TBC1D14: variants seen among roughly 807,000 people sequenced by gnomAD.
TBC1D14 encodes TBC1 domain family, member 14.
TBC1D14 carries 26 observed loss-of-function variants against 79.0 expected under a neutral mutation model. The observed-to-expected ratio is 0.33, with a 90% CI of 0.24 to 0.46. The LOEUF is 0.46. Among genes scored for constraint, TBC1D14 ranks in the 20% least tolerant of loss-of-function variants. The pLI, the probability that TBC1D14 is intolerant of heterozygous loss-of-function variation, is 1.00. For missense variants in TBC1D14, 769 were observed against 887.6 expected (o/e 0.87, Z 1.70); for synonymous variants, 394 against 349.9 (o/e 1.13, Z -1.40).
At chr4:7,023,192 G>T (rs980845616) in intron 12 of TBC1D14, among the ~76,000 whole-genome samples, 2 of 152,208 alleles carry the variant, frequency 1.3e-5, no homozygotes, top group Non-Finnish European at 2.9e-5. Flanking sequence ...GGTGGAGGTT[G>T]CAGTGAGTCG....
chr4:6,995,828 T>TTTAA (rs1284567237), intron 4 of TBC1D14: 1 of 148,490 alleles, frequency 6.7e-6, no homozygotes, highest in Non-Finnish European at 1.5e-5. Context: ...TTTGTTTTTA[T>TTTAA]TTAATTAATT....
chr4:7,030,571 C>T lies in TBC1D14; in HGVS notation c.*179C>T. 1.7e-6 allele frequency: 1 copy of T among 602,250 alleles called. No homozygotes were observed. Among genetic ancestry groups the T allele is most frequent in the South Asian group, 1.9e-5 (1 of 52,740 alleles). 37.3% of individuals were successfully genotyped at this position (602,250 alleles called of 1,614,324 possible). On this transcript the variant is annotated 3_prime_UTR_variant, in exon 14 of 14. Transcript: ENST00000409757. ...AAACTTTTAAAGAATTAAACCAAGG[C>T]TTAGCCTTAAGCAGCTCAGTGGAAG...
chr4:6,990,710 C>A (rs1051275949), intron 3 of TBC1D14, among the ~76,000 whole-genome samples: 2 of 152,130 alleles, frequency 1.3e-5, no homozygotes, highest in Non-Finnish European at 2.9e-5. Context: ...GAGTGCCCAG[C>A]CATTTTACAT....
intron 7 of TBC1D14, among the ~76,000 whole-genome samples, chr4:7,003,172 C>T (rs1719839450): frequency 1.3e-5 from 2 of 152,200 alleles, no homozygotes; most frequent in Non-Finnish European, 2.9e-5. Flanking sequence ...TGGTAGCTGT[C>T]CAGCCTCCAG....
At chr4:6,925,336 G>A (rs888298255) in intron 2 of TBC1D14, among the ~76,000 whole-genome samples, 5 of 152,294 alleles carry the variant, frequency 3.3e-5, no homozygotes, top group Non-Finnish European at 5.9e-5. Context: ...CTCTGGGGCC[G>A]GGGCTTGGCA....
At chr4:7,014,361 A>C in intron 11 of TBC1D14, 87 bp from the exon 12 acceptor site, 1 of 771,712 alleles carries the variant, frequency 1.3e-6, no homozygotes, top group Middle Eastern at 2.8e-4. Context: ...TAATTGTTAG[A>C]GTCTAAAGAT....
chr4:6,911,893 A>G (rs1723024256), intron 1 of TBC1D14, among the ~76,000 whole-genome samples: 1 of 152,228 alleles, frequency 6.6e-6, no homozygotes, highest in Non-Finnish European at 1.5e-5. Flanking sequence ...TTGTCAGTAT[A>G]AACATTAATA....
intron 2 of TBC1D14, among the ~76,000 whole-genome samples, chr4:6,938,735 G>C (rs1305783091): frequency 6.6e-6 from 1 of 152,206 alleles, no homozygotes; most frequent in Non-Finnish European, 1.5e-5. Flanking sequence ...GGCCTTCTGT[G>C]TGCCTCGTGG....
chr4:6,968,933 T>C (rs1039148855), intron 3 of TBC1D14, among the ~76,000 whole-genome samples: 2 of 152,146 alleles, frequency 1.3e-5, no homozygotes, highest in African/African-American at 4.8e-5. Context: ...ATGGATGGGA[T>C]TGACTTGCTG....
intron 2 of TBC1D14, among the ~76,000 whole-genome samples, chr4:6,931,700 G>C (rs1041802284): frequency 1.3e-5 from 2 of 152,094 alleles, no homozygotes; most frequent in African/African-American, 4.8e-5. Context: ...CAACCATAAT[G>C]ATCCATTTTT....
At chr4:7,003,878 C>T (rs1269337823) in intron 7 of TBC1D14, among the ~76,000 whole-genome samples, 1 of 152,042 alleles carries the variant, frequency 6.6e-6, no homozygotes, top group Non-Finnish European at 1.5e-5. Flanking sequence ...GTGGCGTGCA[C>T]CTGTAATCCC....
intron 13 of TBC1D14, among the ~76,000 whole-genome samples, chr4:7,029,846 G>A (rs1056579319): frequency 1.3e-5 from 2 of 152,152 alleles, no homozygotes; most frequent in African/African-American, 4.8e-5. Context: ...AAAGAAGGAT[G>A]TTGACCAAGA....
Position 6,923,688 on chromosome 4 carries a change from C to A in TBC1D14, c.299C>A (p.Ala100Asp), listed in dbSNP as rs761584212. 5.0e-6 allele frequency: 8 copies of A among 1,613,648 alleles called. No individual in the cohort carries two copies. The highest frequency in any genetic ancestry group is 5.1e-6 in the Non-Finnish European group (6 of 1,180,026). ...GACTCCGACCTCATCCCCGAGCGGG[C>A]CTTCCAGAGCGCCTGCGCGCTGCCA... Reference protein sequence around the residue: ...QSDSDLIPERAFQSACALPSC... With the variant: ...QSDSDLIPERDFQSACALPSC... Residue 100 changes from alanine to aspartate, a missense_variant, in exon 2 of 14, where the codon GCC becomes GAC. By Grantham distance (126) the Ala-to-Asp change is moderately radical. This residue lies in a region of TBC1D14 where 402 missense variants were observed against 393.2 expected (regional missense o/e 1.02). Transcript: ENST00000409757.
At chr4:7,005,234 T>G (rs1720061724) in intron 8 of TBC1D14, among the ~76,000 whole-genome samples, 1 of 151,760 alleles carries the variant, frequency 6.6e-6, no homozygotes, top group African/African-American at 2.4e-5. Context: ...ACCCTGTCTC[T>G]ACTAAAAATA....
chr4:6,914,645 C>T (rs1723251271), intron 1 of TBC1D14, among the ~76,000 whole-genome samples: 2 of 152,190 alleles, frequency 1.3e-5, no homozygotes, highest in South Asian at 2.1e-4. Flanking sequence ...AATGCAGTGC[C>T]TGATGTGTCA....
Position 6,969,966 on chromosome 4 carries a change from G to A in TBC1D14, c.843+2542G>A, listed in dbSNP as rs558271859. ...AACCCAAGGGACTTGGTGAAGCCTG[G>A]GAGGGGCTCAGGGTCAGGGACTCAG... On this transcript the variant is annotated intron_variant, in intron 3 of 13. Transcript: ENST00000409757. Among the ~76,000 whole-genome samples, 69 of 152,296 alleles carry A rather than the reference G, an allele frequency of 4.5e-4. 1 individual carries two copies. The South Asian group carries it at 4.6e-3, about 10-fold the overall frequency.
intron 2 of TBC1D14, among the ~76,000 whole-genome samples, chr4:6,954,055 C>G (rs1714375404): frequency 6.6e-6 from 1 of 152,230 alleles, no homozygotes; most frequent in African/African-American, 2.4e-5. Context: ...GTCACTCAGG[C>G]TTTGCTTCCC....
chr4:6,928,865 CAT>C (rs1724491848), intron 2 of TBC1D14, among the ~76,000 whole-genome samples: 1 of 152,142 alleles, frequency 6.6e-6, no homozygotes, highest in Non-Finnish European at 1.5e-5. Flanking sequence ...AGGAAATGTA[CAT>C]ACATGGGACG....
Position 6,932,362 on chromosome 4 carries a change from C to T in TBC1D14, c.722+8251C>T, listed in dbSNP as rs967474577. ...CACGATCTTGGGCGACAGAGCAAGA[C>T]TCTGTCTGGAAATTAAAAAAAAAAA... On this transcript the variant is annotated intron_variant, in intron 2 of 13. Transcript: ENST00000409757. 3.3e-5 allele frequency among the ~76,000 whole-genome samples: 4 copies of T among 122,422 alleles called. No homozygotes were observed. The Admixed American group carries it at 3.9e-4, about 12-fold the overall frequency. The allele number at this position is 122,422 out of a possible 152,430, so 80.3% of individuals were successfully genotyped here. A position where few individuals can be genotyped will look rare whatever the true frequency, so the allele number is the denominator to read the frequency against.
Sources: allele counts gnomAD v4.1 joint callset (sites outside exome capture counted in the v4.1 genomes callset), GRCh38; gene constraint gnomAD v4.1.1; regional missense constraint gnomAD v4.1.1; transcripts MANE v1.5; gene names NCBI Gene and HGNC (gene_info 2026-07-23, HGNC 2026-07-21).